PDE9A: variants seen among roughly 807,000 people sequenced by gnomAD.
The protein encoded by PDE9A is phosphodiesterase 9A.
PDE9A carries 60 observed loss-of-function variants against 87.4 expected under a neutral mutation model. The observed-to-expected ratio is 0.69, with a 90% CI of 0.56 to 0.85. PDE9A has a LOEUF of 0.85. PDE9A is among the 40% of genes least tolerant of loss of function. The pLI is 0.00. For synonymous variants in PDE9A, 272 were observed against 279.4 expected, an observed-to-expected ratio of 0.97 and a Z score of 0.27; for missense variants, 665 against 779.0, an observed-to-expected ratio of 0.85 and a Z score of 1.74.
chr21:42,745,609 T>TTGGCC (rs1447537776), intron 8 of PDE9A, among the ~76,000 whole-genome samples: 6 of 152,214 alleles, frequency 3.9e-5, no homozygotes, highest in African/African-American at 1.4e-4. Context: ...CACCTTCACC[T>TTGGCC]GTGGCACCGC....
At position 42,660,881 on chromosome 21, in the gene PDE9A, A is replaced by C. The variant is rs1408804510; in HGVS notation, c.69+6998A>C. 1.3e-5 allele frequency among the ~76,000 whole-genome samples: 2 copies of C among 151,752 alleles called. No homozygotes were observed. Among genetic ancestry groups the C allele is most frequent in the Admixed American group, 1.3e-4 (2 of 15,246 alleles). ...TCCCTGACTGCCTGTCTCCCCCCTCACCCTGACCACATCTCCCCAAATCCC... is the reference window on the plus strand; with the variant it reads ...TCCCTGACTGCCTGTCTCCCCCCTCCCCCTGACCACATCTCCCCAAATCCC... On this transcript the variant is annotated intron_variant, in intron 1 of 19. Transcript: ENST00000291539. The surrounding 1 kb of genome is among the most constrained non-coding windows in gnomAD (Gnocchi z 4.7).
rs373565834 is a variant in PDE9A at position 42,759,402 on chromosome 21, CGT to C, written c.897+329_897+330del. On this transcript the variant is annotated intron_variant, in intron 11 of 19. Transcript: ENST00000291539. This position sits in a 1 kb window ranked among gnomAD's most constrained non-coding sequence, Gnocchi z 7.2. The stretch of plus-strand genomic sequence containing the variant: ...GGGAGCGTGTGTGTGTGTGTGGGAG[CGT>C]GTGTGTGTGTGAGAGTGAGTATGGG... 3.0e-5 allele frequency among the ~76,000 whole-genome samples: 4 copies of C among 132,540 alleles called. No homozygotes were observed. Among genetic ancestry groups the C allele is most frequent in the Admixed American group, 7.2e-5 (1 of 13,836 alleles). The allele number at this position is 132,540 out of a possible 152,430, so 87.0% of individuals were successfully genotyped here.
intron 4 of PDE9A, among the ~76,000 whole-genome samples, chr21:42,720,836 T>C (rs2050435424): frequency 6.6e-6 from 1 of 151,926 alleles, no homozygotes; most frequent in South Asian, 2.1e-4. Flanking sequence ...AGAAACCCCA[T>C]GTCTACTAAA....
At chr21:42,717,917 G>GTTTGTTTGTTTGT (rs1602242459) in intron 4 of PDE9A, among the ~76,000 whole-genome samples, 1 of 151,542 alleles carries the variant, frequency 6.6e-6, no homozygotes, top group Admixed American at 6.6e-5. Context: ...TTGTTTGTTT[G>GTTTGTTTGTTTGT]TTTGTTTTGT....
intron 4 of PDE9A, among the ~76,000 whole-genome samples, chr21:42,709,255 GA>G (rs2049091915): frequency 6.6e-6 from 1 of 152,108 alleles, no homozygotes; most frequent in Admixed American, 6.5e-5. Flanking sequence ...TGGACAATGA[GA>G]ACACATGGAC....
chr21:42,658,421 G>T (rs1172097958), intron 1 of PDE9A, among the ~76,000 whole-genome samples: 1 of 152,176 alleles, frequency 6.6e-6, no homozygotes, highest in East Asian at 1.9e-4. Context: ...GCTCCTCAGG[G>T]GAGAGGAGTG....
At chr21:42,733,020 G>C (rs2051996036) in intron 6 of PDE9A, among the ~76,000 whole-genome samples, 1 of 152,256 alleles carries the variant, frequency 6.6e-6, no homozygotes, top group Admixed American at 6.5e-5. Flanking sequence ...TCAGGGGAAG[G>C]TGCGGGGACT....
At chr21:42,707,120 A>G (rs2048907217) in intron 4 of PDE9A, among the ~76,000 whole-genome samples, 1 of 152,222 alleles carries the variant, frequency 6.6e-6, no homozygotes, top group South Asian at 2.1e-4. Flanking sequence ...TTTTGTATGA[A>G]AGATACATGG....
At chr21:42,685,812 T>A (rs887934314) in intron 1 of PDE9A, among the ~76,000 whole-genome samples, 2 of 152,126 alleles carry the variant, frequency 1.3e-5, no homozygotes, top group African/African-American at 4.8e-5. Context: ...GAATTTTATT[T>A]TATTTACAGA....
intron 14 of PDE9A, 134 bp downstream of exon 14, chr21:42,762,373 C>A: frequency 1.1e-6 from 1 of 869,830 alleles, no homozygotes; most frequent in Non-Finnish European, 1.8e-6. Flanking sequence ...GGAACCCCTC[C>A]CTCCTTCCTC....
intron 4 of PDE9A, among the ~76,000 whole-genome samples, chr21:42,727,639 T>C (rs1355295898): frequency 1.3e-5 from 2 of 151,968 alleles, no homozygotes; most frequent in Admixed American, 6.6e-5. Context: ...TGGCTGGTAT[T>C]TTATTTATAA....
rs972449204 is a variant in PDE9A at position 42,722,766 on chromosome 21, G to A, written c.263-9004G>A. On this transcript the variant is annotated intron_variant, in intron 4 of 19. Transcript: ENST00000291539. The surrounding 1 kb of genome is among the most constrained non-coding windows in gnomAD (Gnocchi z 4.1). ...AAAAAGGAGATAGGCAAATCAGCTG[G>A]CTGGCCAATCAAATTAACTTATTGT... 4.6e-5 allele frequency among the ~76,000 whole-genome samples: 7 copies of A among 152,218 alleles called. No homozygotes were observed. The highest frequency in any genetic ancestry group is 1.9e-4 in the East Asian group (1 of 5,200).
chr21:42,689,647 A>G (rs2059679858), intron 3 of PDE9A: 1 of 985,340 alleles, frequency 1.0e-6, no homozygotes, highest in East Asian at 1.1e-4. Flanking sequence ...AAATAGGAGA[A>G]GCCCACCTTG....
rs1048041119 is a variant in PDE9A at position 42,743,709 on chromosome 21, C to T, written c.569-67C>T. The T allele has an allele frequency of 2.9e-6, 3 of 1,033,232 alleles. No individual in the cohort carries two copies. In the African/African-American group the frequency reaches 4.8e-5, roughly 16 times the overall value. The allele number at this position is 1,033,232 out of a possible 1,614,324, so 64.0% of individuals were successfully genotyped here. On this transcript the variant is annotated intron_variant, in intron 7 of 19. Coordinates refer to ENST00000291539, the MANE Select transcript of PDE9A (RefSeq NM_002606.3). ...GGGAGCCACAGGGAGCCCTTAGTTA[C>T]CAGCCTTGAGAGATCCTCCACATTC...
intron 4 of PDE9A, among the ~76,000 whole-genome samples, chr21:42,726,683 A>C: frequency 8.0e-6 from 1 of 124,762 alleles, no homozygotes; most frequent in Non-Finnish European, 1.6e-5. Flanking sequence ...CTGGTCTCAA[A>C]CTCCTGGGCT....
intron 4 of PDE9A, among the ~76,000 whole-genome samples, chr21:42,714,167 C>T (rs2049613000): frequency 6.6e-6 from 1 of 151,774 alleles, no homozygotes; most frequent in Non-Finnish European, 1.5e-5. Flanking sequence ...TACAGGCGCC[C>T]ACCACCGTGC....
At chr21:42,665,872 G>A (rs1328436229) in intron 1 of PDE9A, among the ~76,000 whole-genome samples, 1 of 152,142 alleles carries the variant, frequency 6.6e-6, no homozygotes, top group Non-Finnish European at 1.5e-5. Context: ...AGCTTCTCCC[G>A]CGTGGCTCCA....
chr21:42,658,496 G>A (rs946696265), intron 1 of PDE9A, among the ~76,000 whole-genome samples: 4 of 152,168 alleles, frequency 2.6e-5, no homozygotes, highest in Non-Finnish European at 4.4e-5. Context: ...CGGCTCCTGC[G>A]TGCCTTTCCC....
intron 17 of PDE9A, among the ~76,000 whole-genome samples, chr21:42,770,473 CG>C (rs1051471132): frequency 6.6e-6 from 1 of 152,066 alleles, no homozygotes; most frequent in Non-Finnish European, 1.5e-5. Context: ...CTCACGGGCA[CG>C]GGGGACACAG....
Sources: allele counts gnomAD v4.1 joint callset (sites outside exome capture counted in the v4.1 genomes callset), GRCh38; gene constraint gnomAD v4.1.1; non-coding constraint Gnocchi (gnomAD v3.1); transcripts MANE v1.5; gene names NCBI Gene and HGNC (gene_info 2026-07-23, HGNC 2026-07-21).